Variants in TTYH2 observed in about 807,000 individuals in gnomAD.
The protein encoded by TTYH2 is protein tweety homolog 2.
Under a neutral mutation model 68.3 loss-of-function variants are expected in TTYH2, and 49 were observed. The ratio of observed to expected loss-of-function variants is 0.72; its 90% CI spans 0.57 to 0.91. The LOEUF is 0.91. Ranked by LOEUF, TTYH2 falls within the 40% of genes least tolerant of loss-of-function variation. The pLI is 0.00. For synonymous variants in TTYH2, 272 were observed against 300.8 expected (o/e 0.90, Z 0.99); for missense variants, 631 against 700.4 (o/e 0.90, Z 1.12).
rs960708842 is a variant in TTYH2, at chr17:74,232,747, G to A, written c.414+1748G>A. ...AGAGGAAAATCCCCTGCCCTGCCCA[G>A]GAAGGCACCAGGGCCATGACCTTCA... is the stretch of plus-strand genomic sequence containing the variant. On this transcript the variant is annotated intron_variant, in intron 3 of 13. Coordinates refer to ENST00000269346, the MANE Select transcript of TTYH2 (RefSeq NM_032646.6). The surrounding 1 kb of genome is among the most constrained non-coding windows in gnomAD (Gnocchi z 5.1). Among the ~76,000 whole-genome samples the A allele has an allele frequency of 7.9e-5, 12 of 152,190 alleles. No individual in the cohort carries two copies. The highest frequency in any genetic ancestry group is 1.6e-4 in the Non-Finnish European group (11 of 68,036).
intron 8 of TTYH2, 143 bp downstream of exon 8, chr17:74,249,542 G>T (rs1403197429): frequency 4.5e-6 from 4 of 896,952 alleles, no homozygotes; most frequent in Admixed American, 2.2e-5. Flanking sequence ...CTGTGAGGGG[G>T]GCGTGCTTTT....
intron 13 of TTYH2, among the ~76,000 whole-genome samples, chr17:74,255,342 C>G (rs956845489): frequency 6.6e-6 from 1 of 152,234 alleles, no homozygotes; most frequent in Non-Finnish European, 1.5e-5. Context: ...TCAGAGCGTA[C>G]GTGCGAAGCA....
At chr17:74,245,599 C>T (rs1212255244) in intron 6 of TTYH2, among the ~76,000 whole-genome samples, 1 of 152,252 alleles carries the variant, frequency 6.6e-6, no homozygotes, top group Non-Finnish European at 1.5e-5. Context: ...GCTGGGCGCC[C>T]TGGAATGCGG....
intron 2 of TTYH2, among the ~76,000 whole-genome samples, chr17:74,230,579 T>C (rs1466470248): frequency 7.2e-5 from 11 of 152,006 alleles, no homozygotes; most frequent in African/African-American, 2.7e-4. Context: ...GGGCAGCAGA[T>C]ATATGGGAAC....
chr17:74,222,385 C>A lies in TTYH2; in HGVS notation c.130-100C>A. The A allele has an allele frequency of 7.5e-7, 1 of 1,335,412 alleles. No individual in the cohort carries two copies. Among genetic ancestry groups the A allele is most frequent in the Non-Finnish European group, 1.0e-6 (1 of 986,804 alleles). 82.7% of individuals were successfully genotyped at this position (1,335,412 alleles called of 1,614,324 possible). A position where few individuals can be genotyped will look rare whatever the true frequency, so the allele number is the denominator to read the frequency against. On this transcript the variant is annotated intron_variant, in intron 1 of 13. Transcript: ENST00000269346. This position sits in a 1 kb window ranked among gnomAD's most constrained non-coding sequence, Gnocchi z 5.2. ...AGCTTGGAAGGATGGACGAGAGATG[C>A]AGCTCAGGCAGTGGGGCACTCAGGG...
intron 1 of TTYH2, among the ~76,000 whole-genome samples, chr17:74,220,151 G>A (rs899894993): frequency 2.6e-5 from 4 of 152,126 alleles, no homozygotes; most frequent in Admixed American, 6.6e-5. Flanking sequence ...TCGCTGGTTT[G>A]CAAATGATTA....
chr17:74,238,273 G>A (rs993304120), intron 4 of TTYH2, among the ~76,000 whole-genome samples: 2 of 152,314 alleles, frequency 1.3e-5, no homozygotes, highest in South Asian at 2.1e-4. Flanking sequence ...ATGAGCACCC[G>A]GCTAAGGGTG....
chr17:74,223,613 G>A (rs958687036), intron 2 of TTYH2, among the ~76,000 whole-genome samples: 26 of 152,150 alleles, frequency 1.7e-4, no homozygotes, highest in African/African-American at 5.8e-4. Context: ...CCCAGCTGGC[G>A]TCCACATGCA....
At chr17:74,238,054 A>C (rs1184495907) in intron 4 of TTYH2, among the ~76,000 whole-genome samples, 2 of 152,212 alleles carry the variant, frequency 1.3e-5, no homozygotes, top group African/African-American at 2.4e-5. Flanking sequence ...TACAGAGGAC[A>C]GGGATGTGCT....
chr17:74,213,606 G>T lies in TTYH2; in HGVS notation c.19G>T (p.Asp7Tyr). 1 of 1,610,652 alleles carries T rather than the reference G, an allele frequency of 6.2e-7. No homozygotes were observed. Among genetic ancestry groups the T allele is most frequent in the Non-Finnish European group, 8.5e-7 (1 of 1,178,904 alleles). MQAARVDYIAPWWVVWL... is the reference protein window; with the variant it reads MQAARVYYIAPWWVVWL... ...CCGAGCCATGCAGGCGGCGCGCGTGGACTACATCGCTCCCTGGTGGGTCGT... is the reference window on the plus strand; with the variant it reads ...CCGAGCCATGCAGGCGGCGCGCGTGTACTACATCGCTCCCTGGTGGGTCGT... Residue 7 changes from aspartate (D) to tyrosine (Y), a missense_variant, in exon 1 of 14, where the codon GAC (aspartate) becomes TAC (tyrosine). Coordinates refer to ENST00000269346, the MANE Select transcript of TTYH2 (RefSeq NM_032646.6). This position sits in a 1 kb window ranked among gnomAD's most constrained non-coding sequence, Gnocchi z 6.1.
At position 74,222,685 on chromosome 17, in the gene TTYH2, G is replaced by A. The variant is rs918332041; in HGVS notation, c.302+28G>A. The A allele has an allele frequency of 8.8e-6, 14 of 1,588,398 alleles. No homozygotes were observed. The highest frequency in any genetic ancestry group is 1.1e-5 in the Non-Finnish European group (13 of 1,168,562). On this transcript the variant is annotated intron_variant, in intron 2 of 13. Coordinates refer to ENST00000269346, the MANE Select transcript of TTYH2 (RefSeq NM_032646.6). The surrounding 1 kb of genome is among the most constrained non-coding windows in gnomAD (Gnocchi z 5.2). ...GAGTGTCCCTGGACGCTGGGCTTGG[G>A]GTGTGTGACTCAGTCTGCAAGGGGC...
chr17:74,223,161 T>C (rs2050294795), intron 2 of TTYH2, among the ~76,000 whole-genome samples: 1 of 151,980 alleles, frequency 6.6e-6, no homozygotes, highest in South Asian at 2.1e-4. Flanking sequence ...CAGGCTAGAG[T>C]GCAGTGGTGC....
At chr17:74,243,790 T>G (rs1430508054) in intron 5 of TTYH2, among the ~76,000 whole-genome samples, 187 bp from the exon 6 acceptor site, 1 of 152,044 alleles carries the variant, frequency 6.6e-6, no homozygotes, top group African/African-American at 2.4e-5. Context: ...CTCTCACGCC[T>G]GGGTCTCTTT....
intron 10 of TTYH2, among the ~76,000 whole-genome samples, chr17:74,251,185 T>G (rs1247633342): frequency 1.3e-5 from 2 of 151,506 alleles, no homozygotes; most frequent in Non-Finnish European, 2.9e-5. Context: ...CTTGTGCGCA[T>G]GTGTGCTGTG....
rs995675461 is a variant in TTYH2, at chr17:74,222,255, G to A, written c.130-230G>A. Among the ~76,000 whole-genome samples, 5 of 152,174 alleles carry A rather than the reference G, an allele frequency of 3.3e-5. No homozygotes were observed. The highest frequency in any genetic ancestry group is 7.4e-5 in the Non-Finnish European group (5 of 68,024). On this transcript the variant is annotated intron_variant, in intron 1 of 13. Transcript: ENST00000269346. The surrounding 1 kb of genome is among the most constrained non-coding windows in gnomAD (Gnocchi z 5.2). ...CTGGCACCCCTCCCTCACTGACCACGAGGCCCACCACTTGGCCTCATGCCC... is the reference window on the plus strand; with the variant it reads ...CTGGCACCCCTCCCTCACTGACCACAAGGCCCACCACTTGGCCTCATGCCC...
At chr17:74,238,252 G>T (rs1279996480) in intron 4 of TTYH2, among the ~76,000 whole-genome samples, 1 of 152,196 alleles carries the variant, frequency 6.6e-6, no homozygotes, top group Non-Finnish European at 1.5e-5. Context: ...GGGTTATGGG[G>T]GGTTGAGGAG....
intron 5 of TTYH2, 67 bp from the exon 6 acceptor site, chr17:74,243,910 T>TGGGGGGGGGGGGGGGGGG: frequency 8.6e-7 from 1 of 1,158,938 alleles, no homozygotes; most frequent in East Asian, 4.7e-5. Context: ...GGGGGCAGGG[T>TGGGGGGGGGGGGGGGGGG]GGGTGGGGTG....
chr17:74,248,260 A>G, intron 6 of TTYH2: 1 of 985,238 alleles, frequency 1.0e-6, no homozygotes, highest in South Asian at 4.7e-5. Context: ...TCCCTAGAGC[A>G]CCCCAGGCCA....
In TTYH2 at chr17:74,218,971, C is replaced by T. The variant is rs892934020; in HGVS notation, c.130-3514C>T. Among the ~76,000 whole-genome samples the T allele has an allele frequency of 3.9e-5, 6 of 151,946 alleles. No individual in the cohort carries two copies. In the South Asian group the frequency reaches 6.2e-4, roughly 16 times the overall value. On this transcript the variant is annotated intron_variant, in intron 1 of 13. Coordinates refer to ENST00000269346, the MANE Select transcript of TTYH2 (RefSeq NM_032646.6). ...TTGGTTGGGCGTCGTGGCTCACGCCCGTAATCCCAGCACTTTGGGGAGCCG... is the reference window on the plus strand; with the variant it reads ...TTGGTTGGGCGTCGTGGCTCACGCCTGTAATCCCAGCACTTTGGGGAGCCG...
Sources: gnomAD v4.1 joint callset for allele counts (sites outside exome capture counted in the v4.1 genomes callset) on GRCh38, gnomAD v4.1.1 for gene constraint, Gnocchi (gnomAD v3.1) non-coding constraint, MANE v1.5 for transcripts, NCBI Gene and HGNC (gene_info 2026-07-23, HGNC 2026-07-21) for gene names.